Variants in PPL observed in about 807,000 individuals in gnomAD.
PPL encodes the protein periplakin, also known as 190 kDa paraneoplastic pemphigus antigen.
In PPL, 198 loss-of-function variants were observed where a neutral mutation model predicts 194.4. The observed-to-expected ratio is 1.02, with a 90% CI of 0.91 to 1.15. The LOEUF is 1.15. PPL is among the 50% of genes most tolerant of loss of function. PPL has a pLI of 0.00. For missense variants in PPL, 2,885 were observed against 2,294.8 expected, an observed-to-expected ratio of 1.26 and a Z score of -5.25; for synonymous variants, 1,220 against 972.4, an observed-to-expected ratio of 1.25 and a Z score of -4.74.
intron 1 of PPL, among the ~76,000 whole-genome samples, chr16:4,912,120 A>C (rs774081223): frequency 2.6e-5 from 4 of 152,202 alleles, no homozygotes; most frequent in Non-Finnish European, 5.9e-5. Context: ...TTAGTACTAC[A>C]CATTCAGAAT....
intron 1 of PPL, among the ~76,000 whole-genome samples, chr16:4,912,795 T>G (rs1005353785): frequency 6.6e-6 from 1 of 152,124 alleles, no homozygotes; most frequent in African/African-American, 2.4e-5. Context: ...TCTCCTGATC[T>G]TCTCAGAGCG....
chr16:4,902,313 G>A lies in PPL; in HGVS notation c.438+93C>T, dbSNP rs2088590062. 11 of 1,549,966 alleles carry A rather than the reference G, an allele frequency of 7.1e-6. No individual in the cohort carries two copies. The East Asian group carries it at 1.1e-4, about 16-fold the overall frequency. ...CACGACTGTCTCCCTGGTAAGACCC[G>A]GGATGCCCATTACATGGGTAGGCTC... On this transcript the variant is annotated intron_variant, in intron 4 of 21. Coordinates refer to ENST00000345988, the MANE Select transcript of PPL (RefSeq NM_002705.5). The surrounding 1 kb of genome is among the most constrained non-coding windows in gnomAD (Gnocchi z 4.0).
chr16:4,902,550 T>G lies in PPL; in HGVS notation c.318-24A>C. 4 of 1,609,290 alleles carry G rather than the reference T, an allele frequency of 2.5e-6. No homozygotes were observed. The highest frequency in any genetic ancestry group is 3.4e-6 in the Non-Finnish European group (4 of 1,177,638). On this transcript the variant is annotated intron_variant, in intron 3 of 21. Coordinates refer to ENST00000345988, the MANE Select transcript of PPL (RefSeq NM_002705.5). This position sits in a 1 kb window ranked among gnomAD's most constrained non-coding sequence, Gnocchi z 4.0. Reference sequence around the variant, plus strand: ...TACTGATGGGAGAGAGGCTCCCACTTAGTGGGGCTGGTTGGCACTGCCTGC... The same window carrying G: ...TACTGATGGGAGAGAGGCTCCCACTGAGTGGGGCTGGTTGGCACTGCCTGC...
Position 4,884,848 on chromosome 16 carries a change from G to C in PPL, c.3807C>G (p.Ile1269Met). Residue 1269 changes from isoleucine to methionine, a missense_variant, in exon 22 of 22, where the codon ATC becomes ATG. Physicochemically the swap from Ile to Met is conservative, Grantham distance 10. Transcript: ENST00000345988. This position sits in a 1 kb window ranked among gnomAD's most constrained non-coding sequence, Gnocchi z 5.7. ...TRLIERCDLE[I>M]YQLKKEIQAL... ...CCTGGATTTCCTTTTTCAGCTGGTA[G>C]ATCTCTAAATCACACCTTTCGATCA... The C allele has an allele frequency of 6.2e-7, 1 of 1,614,138 alleles. No homozygotes were observed. The highest frequency in any genetic ancestry group is 8.5e-7 in the Non-Finnish European group (1 of 1,180,028).
chr16:4,883,199 A>G lies in PPL; in HGVS notation c.*185T>C. 1.4e-6 allele frequency: 1 copy of G among 710,710 alleles called. No individual in the cohort carries two copies. The highest frequency in any genetic ancestry group is 2.8e-5 in the Admixed American group (1 of 35,602). The allele number at this position is 710,710 out of a possible 1,614,324, so 44.0% of individuals were successfully genotyped here. ...CTCAGGGTGAATGATGGTTGGGACGAGAGTTGCCTGTCTTCAGCCAGTGCC... is the reference window on the plus strand; with the variant it reads ...CTCAGGGTGAATGATGGTTGGGACGGGAGTTGCCTGTCTTCAGCCAGTGCC... On this transcript the variant is annotated 3_prime_UTR_variant, in exon 22 of 22. Transcript: ENST00000345988. This position sits in a 1 kb window ranked among gnomAD's most constrained non-coding sequence, Gnocchi z 4.8.
At chr16:4,923,063 T>C (rs1015649469) in intron 1 of PPL, among the ~76,000 whole-genome samples, 8 of 152,144 alleles carry the variant, frequency 5.3e-5, no homozygotes, top group Non-Finnish European at 1.0e-4. Flanking sequence ...GTTTGGGGAT[T>C]TGAAGGGTAC....
In PPL at chr16:4,891,873, T is replaced by C. The variant is rs771570734; in HGVS notation, c.1906A>G (p.Asn636Asp). The C allele has an allele frequency of 6.2e-7, 1 of 1,613,584 alleles. No individual in the cohort carries two copies. The highest frequency in any genetic ancestry group is 1.1e-5 in the South Asian group (1 of 91,082). ...CTCTCAGGCACTGTGTCATCCTGAT[T>C]CAGATGGTTCTCGTGTGTGGCCAGC... ...ELLATHENHL[N>D]QDDTVPESSR... The change falls in exon 16 of 22, where the codon AAT becomes GAT. Residue 636 changes from asparagine (N) to aspartate (D), a missense_variant. Coordinates refer to ENST00000345988, the MANE Select transcript of PPL (RefSeq NM_002705.5).
At chr16:4,903,106 T>A (rs1302922305) in intron 3 of PPL, among the ~76,000 whole-genome samples, 12 of 152,164 alleles carry the variant, frequency 7.9e-5, no homozygotes. Flanking sequence ...GAGTCTGCCA[T>A]CCAGCAGGGC....
In PPL at chr16:4,890,244, A is replaced by G. The variant is rs749110727; in HGVS notation, c.2253T>C (p.Ser751=). The G allele has an allele frequency of 7.4e-6, 12 of 1,614,028 alleles. No individual in the cohort carries two copies. Among genetic ancestry groups the G allele is most frequent in the Admixed American group, 3.3e-5 (2 of 60,002 alleles). Residue 751 remains serine (S), a synonymous_variant, in exon 18 of 22, where the codon AGT becomes AGC. Coordinates refer to ENST00000345988, the MANE Select transcript of PPL (RefSeq NM_002705.5). ...HVLQFLVSIP[S]YEPQETDSLS... ...GGCTGTCTGTCTCCTGGGGCTCGTAACTGGGGATGCTGACTAGGAACTGCA... is the reference window on the plus strand; with the variant it reads ...GGCTGTCTGTCTCCTGGGGCTCGTAGCTGGGGATGCTGACTAGGAACTGCA...
At chr16:4,887,099 C>A (rs758709448) in intron 21 of PPL, 36 bp downstream of exon 21, 5 of 1,496,246 alleles carry the variant, frequency 3.3e-6, no homozygotes, top group Non-Finnish European at 4.7e-6. Context: ...CCTGTTAGAA[C>A]AGCCTGAAGT....
rs766935415 is a variant in PPL, at chr16:4,893,539, A to G, written c.1492+2T>C. ...CCTCAGGCGAGTGGCCCTGGCACCC[A>G]CCTCCGGGATTCTCGGTCTTCAGCA... On this transcript the variant is annotated splice_donor_variant, in intron 13 of 21. Coordinates refer to ENST00000345988, the MANE Select transcript of PPL (RefSeq NM_002705.5). LOFTEE classifies it high-confidence loss of function. 1.2e-6 allele frequency: 2 copies of G among 1,611,642 alleles called. No homozygotes were observed.
chr16:4,899,619 G>A lies in PPL; in HGVS notation c.607-235C>T, dbSNP rs142607409. Among the ~76,000 whole-genome samples, 499 of 151,924 alleles carry A rather than the reference G, an allele frequency of 3.3e-3. 5 individuals carry two copies. Among genetic ancestry groups the A allele is most frequent in the Middle Eastern group, 0.014 (4 of 294 alleles). On this transcript the variant is annotated intron_variant, in intron 6 of 21. Coordinates refer to ENST00000345988, the MANE Select transcript of PPL (RefSeq NM_002705.5). Reference sequence around the variant, plus strand: ...CATTCATTCAGTAAATGTTTACTGAGCATCTACTACATGCTGGACATGGCT... The same window carrying A: ...CATTCATTCAGTAAATGTTTACTGAACATCTACTACATGCTGGACATGGCT...
rs533373796 is a variant in PPL, at chr16:4,925,034, C to T, written c.62+11950G>A. 5.9e-3 allele frequency among the ~76,000 whole-genome samples: 903 copies of T among 152,320 alleles called. 12 individuals carry two copies. The highest frequency in any genetic ancestry group is 0.02 in the African/African-American group (848 of 41,584). ...TCCCTGCCTGGCCAGGGCCACTGGC[C>T]TTTGATCACATCTGCAGTTCCTTCC... On this transcript the variant is annotated intron_variant, in intron 1 of 21. Coordinates refer to ENST00000345988, the MANE Select transcript of PPL (RefSeq NM_002705.5).
rs2088624371 is a variant in PPL, at chr16:4,903,767, T to G, written c.317+119A>C. On this transcript the variant is annotated intron_variant, in intron 3 of 21. Transcript: ENST00000345988. Reference sequence around the variant, plus strand: ...TCATGTGAAGCCTTTGGCACGTGCCTGGCACCTAATTAGCCCTTGATAACC... The same window carrying G: ...TCATGTGAAGCCTTTGGCACGTGCCGGGCACCTAATTAGCCCTTGATAACC... 3 of 1,192,280 alleles carry G rather than the reference T, an allele frequency of 2.5e-6. No individual in the cohort carries two copies. The African/African-American group carries it at 4.6e-5, about 18-fold the overall frequency. The allele number at this position is 1,192,280 out of a possible 1,614,324, so 73.9% of individuals were successfully genotyped here.
intron 9 of PPL, among the ~76,000 whole-genome samples, chr16:4,896,640 T>TTG (rs2088435454): frequency 1.9e-5 from 2 of 105,440 alleles, no homozygotes; most frequent in Admixed American, 8.9e-5. Context: ...TACGGGGTTG[T>TTG]TTTTTTTTTT....
intron 1 of PPL, among the ~76,000 whole-genome samples, chr16:4,922,359 A>G (rs1174827065): frequency 6.6e-6 from 1 of 152,092 alleles, no homozygotes; most frequent in Non-Finnish European, 1.5e-5. Context: ...CCTTTTAAGG[A>G]GCTGATAAAA....
intron 1 of PPL, among the ~76,000 whole-genome samples, chr16:4,936,486 G>A (rs2089300072): frequency 6.6e-6 from 1 of 152,160 alleles, no homozygotes; most frequent in Non-Finnish European, 1.5e-5. Context: ...CGGTCTCAGA[G>A]GCGCTGGAGA....
At chr16:4,893,757 T>G in intron 12 of PPL, 119 bp from the exon 13 acceptor site, 1 of 768,724 alleles carries the variant, frequency 1.3e-6, no homozygotes, top group Non-Finnish European at 2.1e-6. Context: ...GCTCCTTAGA[T>G]GCGGACAGCA....
In PPL at chr16:4,884,323, C is replaced by T. The variant is rs199867431; in HGVS notation, c.4332G>A (p.Thr1444=). The T allele has an allele frequency of 4.3e-5, 69 of 1,613,086 alleles. No homozygotes were observed. Among genetic ancestry groups the T allele is most frequent in the East Asian group, 1.6e-4 (7 of 44,868 alleles). The change falls in exon 22 of 22, where the codon ACG becomes ACA. Residue 1444 remains threonine (T), a synonymous_variant. Coordinates refer to ENST00000345988, the MANE Select transcript of PPL (RefSeq NM_002705.5). This position sits in a 1 kb window ranked among gnomAD's most constrained non-coding sequence, Gnocchi z 5.7. Reference sequence around the variant, plus strand: ...GGTCCTGCTGCAGCACCACCTTCTGCGTATGGGTTACCTTCTCACGGGCCT... The same window carrying T: ...GGTCCTGCTGCAGCACCACCTTCTGTGTATGGGTTACCTTCTCACGGGCCT... ...EAEAREKVTH[T]QKVVLQQDPQ...
Sources: gnomAD v4.1 joint callset for allele counts (sites outside exome capture counted in the v4.1 genomes callset) on GRCh38, gnomAD v4.1.1 for gene constraint, Gnocchi (gnomAD v3.1) non-coding constraint, MANE v1.5 for transcripts, NCBI Gene and HGNC (gene_info 2026-07-23, HGNC 2026-07-21) for gene names.